Variants in MTMR4 observed in about 807,000 individuals in gnomAD.
MTMR4 encodes phosphatidylinositol-3,5-bisphosphate 3-phosphatase MTMR4.
MTMR4 carries 30 observed loss-of-function variants against 125.5 expected under a neutral mutation model. The observed-to-expected ratio is 0.24, with a 90% CI of 0.18 to 0.32. The LOEUF is 0.32. Ranked by LOEUF, MTMR4 falls within the 10% of genes least tolerant of loss-of-function variation. The probability of loss-of-function intolerance (pLI) is 1.00; values close to 1 mark genes in which losing one functional copy is unlikely to be tolerated. For missense variants in MTMR4, 1,039 were observed against 1,511.5 expected, an observed-to-expected ratio of 0.69 and a Z score of 5.18; for synonymous variants, 498 against 564.5, an observed-to-expected ratio of 0.88 and a Z score of 1.67.
chr17:58,491,798 C>A lies in MTMR4; in HGVS notation c.3495G>T (p.Lys1165Asn). ...NVFCAGCCHL[K>N]LPIPDQQLYD... ...AGAGTTGCTGATCAGGAATGGGCAG[C>A]TTCAGGTGGCAGCATCCAGCACAAA... The change falls in exon 18 of 18, where the codon AAG becomes AAT. Residue 1165 changes from lysine (K) to asparagine (N), a missense_variant. Physicochemically the swap from Lys to Asn is moderately conservative, Grantham distance 94. Transcript: ENST00000682306. 6.2e-7 allele frequency: 1 copy of A among 1,613,746 alleles called. No homozygotes were observed.
chr17:58,510,807 G>A (rs1031246501), intron 4 of MTMR4: 3 of 152,106 alleles, frequency 2.0e-5, no homozygotes, highest in African/African-American at 7.3e-5. Flanking sequence ...GAACTCCTAA[G>A]CTGAAGGGAT....
intron 15 of MTMR4, among the ~76,000 whole-genome samples, chr17:58,493,334 T>C (rs1205764441): frequency 6.6e-6 from 1 of 152,258 alleles, no homozygotes; most frequent in African/African-American, 2.4e-5. Flanking sequence ...ATTCATTCAT[T>C]TACTTACTGT....
upstream of MTMR4, chr17:58,514,759 G>A (rs1251391083): frequency 3.1e-5 from 25 of 797,864 alleles, no homozygotes; most frequent in Non-Finnish European, 3.5e-5. Context: ...GGCCTCGTAG[G>A]AGGGCGTACC....
At position 58,504,083 on chromosome 17, in the gene MTMR4, A is replaced by C. The variant is rs200896851; in HGVS notation, c.1665T>G (p.Phe555Leu). The part of the protein sequence containing the change: ...WALLRAGNKN[F>L]HNFLYTPSSD... ...AGCTGGGTGTGTAGAGGAAGTTATGAAAGTTTTTATTGCCAGCTCGAAGGA... is the reference window on the plus strand; with the variant it reads ...AGCTGGGTGTGTAGAGGAAGTTATGCAAGTTTTTATTGCCAGCTCGAAGGA... Residue 555 changes from phenylalanine (F) to leucine (L), a missense_variant, in exon 13 of 18, where the codon TTT becomes TTG. Phe to Leu is a conservative substitution (Grantham distance 22). Transcript: ENST00000682306. This position sits in a 1 kb window ranked among gnomAD's most constrained non-coding sequence, Gnocchi z 7.1. 3.8e-6 allele frequency: 6 copies of C among 1,579,718 alleles called. No homozygotes were observed. The South Asian group carries it at 4.7e-5, about 12-fold the overall frequency.
At chr17:58,493,498 G>A (rs191968159) in intron 15 of MTMR4, among the ~76,000 whole-genome samples, 4 of 152,284 alleles carry the variant, frequency 2.6e-5, no homozygotes, top group East Asian at 3.9e-4. Context: ...GACCACAGGC[G>A]TCCACCACCA....
At position 58,492,592 on chromosome 17, in the gene MTMR4, C is replaced by T. The variant is rs369998064; in HGVS notation, c.3371G>A (p.Arg1124His). Residue 1124 changes from arginine to histidine, a missense_variant, in exon 17 of 18, where the codon CGC (arginine) becomes CAC (histidine). Physicochemically the swap from Arg to His is conservative, Grantham distance 29 (BLOSUM62 0). This residue lies in a region of MTMR4 where 60 missense variants were observed against 129.6 expected (regional missense o/e 0.46). Transcript: ENST00000682306. ...PVDKKETEVTRWVPDHMASHC... is the reference protein window; with the variant it reads ...PVDKKETEVTHWVPDHMASHC... ...TGATGCCATATGGTCTGGAACCCAG[C>T]GAGTCACCTAATAGAAGGCACAAAG... 3.1e-6 allele frequency: 5 copies of T among 1,613,756 alleles called. No homozygotes were observed. Among genetic ancestry groups the T allele is most frequent in the African/African-American group, 1.3e-5 (1 of 75,024 alleles).
At chr17:58,496,861 C>T (rs972227932) in intron 14 of MTMR4, among the ~76,000 whole-genome samples, 5 of 152,146 alleles carry the variant, frequency 3.3e-5, no homozygotes, top group Non-Finnish European at 7.3e-5. Context: ...ATAAATCATA[C>T]CTTGTAGAGA....
intron 4 of MTMR4, 182 bp from the exon 5 acceptor site, chr17:58,509,023 T>C (rs1378485902): frequency 3.2e-6 from 2 of 617,392 alleles, no homozygotes; most frequent in Non-Finnish European, 5.6e-6. Flanking sequence ...ACAGAAGTTG[T>C]CTCTTGTGAT....
intron 14 of MTMR4, among the ~76,000 whole-genome samples, chr17:58,499,822 G>T (rs1335096884): frequency 6.6e-6 from 1 of 150,466 alleles, no homozygotes; most frequent in Non-Finnish European, 1.5e-5. Context: ...AGTAGAGACG[G>T]GGTTTCACCG....
intron 16 of MTMR4, 43 bp downstream of exon 16, chr17:58,492,799 A>T: frequency 6.5e-7 from 1 of 1,537,672 alleles, no homozygotes; most frequent in Non-Finnish European, 9.0e-7. Flanking sequence ...ATGATGACTC[A>T]CTGGCTCACG....
Position 58,489,586 on chromosome 17 carries a change from G to T in MTMR4, c.*2077C>A, listed in dbSNP as rs574438069. ...CTGTATTGAATTTTTACAGCACATT[G>T]CATGTTTGTCACAACGCAACTGCAC... On this transcript the variant is annotated 3_prime_UTR_variant, in exon 18 of 18. Transcript: ENST00000682306. The T allele has an allele frequency of 2.0e-5, 3 of 152,262 alleles. No homozygotes were observed. The highest frequency in any genetic ancestry group is 4.4e-5 in the Non-Finnish European group (3 of 68,024). The allele number at this position is 152,262 out of a possible 1,614,324, so 9.4% of individuals were successfully genotyped here.
chr17:58,495,733 G>A lies in MTMR4; in HGVS notation c.2451C>T (p.Ser817=), dbSNP rs770804145. The A allele has an allele frequency of 1.1e-5, 17 of 1,614,042 alleles. No individual in the cohort carries two copies. Among genetic ancestry groups the A allele is most frequent in the Non-Finnish European group, 1.4e-5 (17 of 1,180,040 alleles). The change falls in exon 15 of 18, where the codon TCC becomes TCT. Residue 817 remains serine (S), a synonymous_variant. Transcript: ENST00000682306. The part of the protein sequence containing the change: ...AQPDSMLGVP[S]KCVLDHSLST... ...TGAGGCTGTGATCAAGAACACACTT[G>A]GAGGGCACACCTAGCATGGAGTCTG...
Position 58,495,913 on chromosome 17 carries a change from C to T in MTMR4, c.2271G>A (p.Arg757=). Reference sequence around the variant, plus strand: ...GTGGCTCCCCTATGCCATCTAAAGTCCTACCCAGCTCATCCTGGGCAGAAG... The same window carrying T: ...GTGGCTCCCCTATGCCATCTAAAGTTCTACCCAGCTCATCCTGGGCAGAAG... The part of the protein sequence containing the change: ...PDPSAQDELG[R]TLDGIGEPPE... The change falls in exon 15 of 18, where the codon AGG becomes AGA. Residue 757 remains arginine, a synonymous_variant. Coordinates refer to ENST00000682306, the MANE Select transcript of MTMR4 (RefSeq NM_001378067.1). 1 of 1,614,154 alleles carries T rather than the reference C, an allele frequency of 6.2e-7. No individual in the cohort carries two copies. The highest frequency in any genetic ancestry group is 8.5e-7 in the Non-Finnish European group (1 of 1,180,028).
intron 14 of MTMR4, among the ~76,000 whole-genome samples, chr17:58,501,132 C>G (rs1975613705): frequency 6.6e-6 from 1 of 152,216 alleles, no homozygotes; most frequent in Middle Eastern, 3.4e-3. Flanking sequence ...TCAAAAGACC[C>G]TAAAACCAAT....
chr17:58,507,042 T>C, intron 8 of MTMR4, 81 bp downstream of exon 8: 1 of 1,579,304 alleles, frequency 6.3e-7, no homozygotes, highest in East Asian at 2.2e-5. Flanking sequence ...CTTCCCAGAC[T>C]CTCACTGGGG....
chr17:58,496,659 A>T (rs1291041762), intron 14 of MTMR4, among the ~76,000 whole-genome samples: 1 of 152,182 alleles, frequency 6.6e-6, no homozygotes, highest in Non-Finnish European at 1.5e-5. Context: ...ATGCCTTCTG[A>T]ATCTACTGTT....
intron 8 of MTMR4, 63 bp from the exon 9 acceptor site, chr17:58,506,934 TG>T: frequency 1.3e-6 from 2 of 1,582,072 alleles, no homozygotes. Context: ...GCTGGCCCTC[TG>T]GCACTCCCTC....
Position 58,499,661 on chromosome 17 carries a change from G to A in MTMR4, c.1854-3331C>T, listed in dbSNP as rs540323488. 1.1e-3 allele frequency among the ~76,000 whole-genome samples: 156 copies of A among 143,556 alleles called. 1 individual carries two copies. The highest frequency in any genetic ancestry group is 3.6e-3 in the African/African-American group (139 of 38,494). 94.2% of individuals were successfully genotyped at this position (143,556 alleles called of 152,430 possible). A position where few individuals can be genotyped will look rare whatever the true frequency, so the allele number is the denominator to read the frequency against. ...TTTTTTGAGACAGTCTCACTCTGTT[G>A]CCCGGGCTGGAGTGCAGTGGCGCGA... On this transcript the variant is annotated intron_variant, in intron 14 of 17. Coordinates refer to ENST00000682306, the MANE Select transcript of MTMR4 (RefSeq NM_001378067.1).
At position 58,492,938 on chromosome 17, in the gene MTMR4, C is replaced by T. The variant is rs900683696; in HGVS notation, c.3267G>A (p.Glu1089=). The T allele has an allele frequency of 6.2e-7, 1 of 1,614,180 alleles. No homozygotes were observed. Among genetic ancestry groups the T allele is most frequent in the Non-Finnish European group, 8.5e-7 (1 of 1,179,976 alleles). Residue 1089 remains glutamate, a synonymous_variant, in exon 16 of 18, where the codon GAG becomes GAA. Transcript: ENST00000682306. The part of the protein sequence containing the change: ...DYEDDFTCLK[E]SDGSDTEDFG... The stretch of plus-strand genomic sequence containing the variant: ...AATCCTCAGTATCACTGCCATCTGA[C>T]TCCTTCAAACATGTCTGATGAAAAG...
Sources: gnomAD v4.1 joint callset for allele counts (sites outside exome capture counted in the v4.1 genomes callset) on GRCh38, gnomAD v4.1.1 for gene constraint, gnomAD v4.1.1 regional missense constraint, Gnocchi (gnomAD v3.1) non-coding constraint, MANE v1.5 for transcripts, NCBI Gene and HGNC (gene_info 2026-07-23, HGNC 2026-07-21) for gene names.